C4orf51: variants seen among roughly 807,000 people sequenced by gnomAD.
C4orf51 encodes the protein uncharacterized protein C4orf51.
In C4orf51, 25 loss-of-function variants were observed where a neutral mutation model predicts 25.2. That is an observed-to-expected ratio of 0.99 (90% CI 0.72 to 1.39). C4orf51 has a LOEUF of 1.39. Ranked by LOEUF, C4orf51 falls within the 40% of genes most tolerant of loss-of-function variation. The pLI is 0.00. For synonymous variants in C4orf51, 100 were observed against 84.5 expected (o/e 1.18, Z -1.01); for missense variants, 252 against 239.6 (o/e 1.05, Z -0.34).
At chr4:145,782,130 C>T in the C4orf51 span, among the ~76,000 whole-genome samples, 4 of 152,214 alleles carry the variant, frequency 2.6e-5, no homozygotes, top group East Asian at 1.9e-4. Flanking sequence ...CTCCAAGCCT[C>T]GTCTAGGAAT....
At chr4:145,764,722 C>T in intron 1 of C4orf51, 8 of 492,864 alleles carry the variant, frequency 1.6e-5, no homozygotes, top group Non-Finnish European at 2.9e-5. Flanking sequence ...TTCTTGCATG[C>T]TGGGTTGTTT....
chr4:145,772,986 T>C (rs550138272), downstream of C4orf51, among the ~76,000 whole-genome samples: 8 of 152,254 alleles, frequency 5.3e-5, no homozygotes, highest in East Asian at 1.5e-3. Flanking sequence ...ATGGTTTCTA[T>C]GGTTTCTATG....
At chr4:145,760,747 C>A in intron 1 of C4orf51, 94 of 581,744 alleles carry the variant, frequency 1.6e-4, no homozygotes, top group Non-Finnish European at 1.9e-4. Flanking sequence ...TGTCTTTTGT[C>A]TCTCTGTTTT....
intron 1 of C4orf51, among the ~76,000 whole-genome samples, chr4:145,747,553 C>CTT (rs1456511139): frequency 2.6e-5 from 4 of 152,098 alleles, no homozygotes; most frequent in Non-Finnish European, 5.9e-5. Flanking sequence ...ATAAATCCCA[C>CTT]TTGGTAATGA....
At chr4:145,689,623 C>A (rs1297047200) in intron 1 of C4orf51, among the ~76,000 whole-genome samples, 1 of 152,056 alleles carries the variant, frequency 6.6e-6, no homozygotes, top group Non-Finnish European at 1.5e-5. Context: ...ATGCTAAACA[C>A]CCTCCAGAAA....
intron 2 of C4orf51, among the ~76,000 whole-genome samples, chr4:145,722,748 G>A (rs1300927881): frequency 6.6e-6 from 1 of 152,182 alleles, no homozygotes; most frequent in Non-Finnish European, 1.5e-5. Flanking sequence ...AGCAAGCAAT[G>A]CTTCATCTGC....
rs1732540741 is a variant in C4orf51, at chr4:145,732,607, A to G, written c.*47A>G. The stretch of plus-strand genomic sequence containing the variant: ...GCTGGAGGCGTGGAGTTTGCTTAAT[A>G]AACAACTTTGAGGTATGGGGCCCTC... On this transcript the variant is annotated 3_prime_UTR_variant, in exon 6 of 6. Transcript: ENST00000438731. 1 of 1,404,142 alleles carries G rather than the reference A, an allele frequency of 7.1e-7. No individual in the cohort carries two copies. The allele number at this position is 1,404,142 out of a possible 1,614,324, so 87.0% of individuals were successfully genotyped here.
chr4:145,762,973 G>T lies in C4orf51; in HGVS notation n.167-8015G>T. 1 of 1,018,694 alleles carries T rather than the reference G, an allele frequency of 9.8e-7. No individual in the cohort carries two copies. The highest frequency in any genetic ancestry group is 1.6e-5 in the South Asian group (1 of 63,552). The allele number at this position is 1,018,694 out of a possible 1,614,324, so 63.1% of individuals were successfully genotyped here. Reference sequence around the variant, plus strand: ...GTGCACCGTGCACGGCCTCCTCAGCGCCAAGCTCGCCGTTAGCCTTTGAAC... The same window carrying T: ...GTGCACCGTGCACGGCCTCCTCAGCTCCAAGCTCGCCGTTAGCCTTTGAAC... On this transcript the variant is annotated intron_variant and non_coding_transcript_variant, in intron 1 of 1. Coordinates refer to the C4orf51 transcript ENST00000510096. The surrounding 1 kb of genome is among the most constrained non-coding windows in gnomAD (Gnocchi z 4.9).
downstream of C4orf51, among the ~76,000 whole-genome samples, chr4:145,737,180 A>C (rs1284100807): frequency 6.6e-6 from 1 of 152,152 alleles, no homozygotes. Flanking sequence ...ATGATTGTAG[A>C]AGACAGCCAG....
At chr4:145,756,591 A>G (rs2126820208), downstream of C4orf51, among the ~76,000 whole-genome samples, 1 of 152,312 alleles carries the variant, frequency 6.6e-6, no homozygotes, top group Non-Finnish European at 1.5e-5. Context: ...GGGAAAATGT[A>G]AGGTAGCTGT....
intron 1 of C4orf51, among the ~76,000 whole-genome samples, chr4:145,693,862 C>A (rs1729806183): frequency 7.7e-6 from 1 of 130,128 alleles, no homozygotes; most frequent in African/African-American, 2.9e-5. Flanking sequence ...CACCTCCCTC[C>A]CGGACGGGGT....
At position 145,732,581 on chromosome 4, in the gene C4orf51, G is replaced by A; in HGVS notation, c.*21G>A. 6.4e-7 allele frequency: 1 copy of A among 1,551,176 alleles called. No individual in the cohort carries two copies. The highest frequency in any genetic ancestry group is 8.9e-7 in the Non-Finnish European group (1 of 1,128,718). ...ACTGAGTTGGAAAATGAAGCCACAA[G>A]GCTGGAGGCGTGGAGTTTGCTTAAT... On this transcript the variant is annotated 3_prime_UTR_variant, in exon 6 of 6. Coordinates refer to ENST00000438731, the MANE Select transcript of C4orf51 (RefSeq NM_001080531.3).
Position 145,729,206 on chromosome 4 carries a change from C to T in C4orf51, c.404C>T (p.Thr135Ile), listed in dbSNP as rs770257512. ...QIWDFGDCFP[T>I]PPNYGKYCVR... ...TGGGATTTTGGTGATTGTTTTCCGACACCTCCAAATTATGGAAAATACTGT... is the reference window on the plus strand; with the variant it reads ...TGGGATTTTGGTGATTGTTTTCCGATACCTCCAAATTATGGAAAATACTGT... Residue 135 changes from threonine (T) to isoleucine (I), a missense_variant, in exon 4 of 6, where the codon ACA becomes ATA. By Grantham distance (89) the Thr-to-Ile change is moderately conservative. Transcript: ENST00000438731. 1.9e-6 allele frequency: 3 copies of T among 1,607,656 alleles called. No homozygotes were observed. Among genetic ancestry groups the T allele is most frequent in the African/African-American group, 1.3e-5 (1 of 74,718 alleles).
At chr4:145,733,975 T>C (rs896711947), downstream of C4orf51, among the ~76,000 whole-genome samples, 6 of 152,206 alleles carry the variant, frequency 3.9e-5, no homozygotes, top group Non-Finnish European at 8.8e-5. Context: ...TCCAAGGTAA[T>C]GGCTATCATT....
downstream of C4orf51, among the ~76,000 whole-genome samples, chr4:145,755,182 G>C (rs1226271239): frequency 1.3e-5 from 2 of 152,204 alleles, no homozygotes; most frequent in African/African-American, 4.8e-5. Context: ...AGAGTGGGAA[G>C]GGGCCTTAGA....
At chr4:145,757,939 A>T (rs886617931), downstream of C4orf51, 3 of 152,204 alleles carry the variant, frequency 2.0e-5, no homozygotes, top group Non-Finnish European at 4.4e-5. Context: ...GCATAGTGAC[A>T]ACAATTGAAG....
In C4orf51 at chr4:145,715,521, A is replaced by G. The variant is rs149925575; in HGVS notation, c.308-11390A>G. ...CTTGCAGGAGAGGTGTCACGGGTAA[A>G]GGGAAACTGTTCTTCTTACCCTCTT... On this transcript the variant is annotated intron_variant, in intron 2 of 5. Transcript: ENST00000438731. Among the ~76,000 whole-genome samples the G allele has an allele frequency of 7.2e-4, 109 of 152,206 alleles. 1 individual carries two copies. Among genetic ancestry groups the G allele is most frequent in the African/African-American group, 2.6e-3 (108 of 41,530 alleles).
intron 1 of C4orf51, 31 bp from the exon 2 acceptor site, chr4:145,696,528 G>T (rs769123775): frequency 1.3e-6 from 2 of 1,547,576 alleles, no homozygotes; most frequent in East Asian, 2.2e-5. Flanking sequence ...CCATAAATTT[G>T]TAACTTGTTT....
At chr4:145,782,511 G>T in the C4orf51 span, among the ~76,000 whole-genome samples, 8 of 152,272 alleles carry the variant, frequency 5.3e-5, no homozygotes, top group East Asian at 1.5e-3. Flanking sequence ...GTCACCAGAA[G>T]CTGGTGATCT....
Sources: allele counts gnomAD v4.1 joint callset (sites outside exome capture counted in the v4.1 genomes callset), GRCh38; gene constraint gnomAD v4.1.1; non-coding constraint Gnocchi (gnomAD v3.1); transcripts MANE v1.5; gene names NCBI Gene and HGNC (gene_info 2026-07-23, HGNC 2026-07-21).